Variants in CLASP1 observed in about 807,000 individuals in gnomAD.
CLASP1 encodes the protein cytoplasmic linker associated protein 1.
In CLASP1, 38 loss-of-function variants were observed where a neutral mutation model predicts 192.3. That is an observed-to-expected ratio of 0.20 (90% CI 0.15 to 0.26). The LOEUF is 0.26. Among genes scored for constraint, CLASP1 ranks in the 10% least tolerant of loss-of-function variants. CLASP1 has a pLI of 1.00. For synonymous variants in CLASP1, 691 were observed against 712.8 expected (o/e 0.97, Z 0.49); for missense variants, 1,433 against 1,932.5 (o/e 0.74, Z 4.85).
intron 2 of CLASP1, among the ~76,000 whole-genome samples, chr2:121,600,778 C>T (rs150329147): frequency 6.6e-6 from 1 of 152,358 alleles, no homozygotes; most frequent in African/African-American, 2.4e-5. Context: ...TCCCCAACCT[C>T]CTTTTCCTAT....
At chr2:121,396,533 T>C (rs925595654) in intron 30 of CLASP1, among the ~76,000 whole-genome samples, 5 of 152,238 alleles carry the variant, frequency 3.3e-5, no homozygotes, top group Admixed American at 3.3e-4. Flanking sequence ...AGTTCAAATA[T>C]TCTAATGTGC....
chr2:121,348,150 C>A (rs2063712339), intron 38 of CLASP1, among the ~76,000 whole-genome samples: 1 of 152,060 alleles, frequency 6.6e-6, no homozygotes, highest in Admixed American at 6.5e-5. Context: ...TGCATGAGAC[C>A]AAGGACCATG....
At chr2:121,530,643 GAA>G in intron 2 of CLASP1, 1 of 534,038 alleles carries the variant, frequency 1.9e-6, no homozygotes. Context: ...GCCCCGGCGA[GAA>G]AAGCGTATGC....
intron 33 of CLASP1, among the ~76,000 whole-genome samples, chr2:121,380,680 AT>A (rs1304730196): frequency 1.3e-5 from 2 of 152,196 alleles, no homozygotes; most frequent in Non-Finnish European, 2.9e-5. Context: ...TTGTTATGGA[AT>A]CAATAGGATT....
At chr2:121,590,916 G>C (rs2062320572) in intron 2 of CLASP1, among the ~76,000 whole-genome samples, 3 of 147,372 alleles carry the variant, frequency 2.0e-5, no homozygotes. Flanking sequence ...TGCCCAGGCT[G>C]GAGAGCAATG....
intron 39 of CLASP1, among the ~76,000 whole-genome samples, chr2:121,346,286 C>A (rs1240324558): frequency 6.6e-6 from 1 of 152,244 alleles, no homozygotes; most frequent in African/African-American, 2.4e-5. Context: ...GAACCAAGGC[C>A]TCACCCCTTC....
chr2:121,558,376 G>A (rs6541784), intron 2 of CLASP1, among the ~76,000 whole-genome samples: 28,605 of 152,146 alleles, frequency 0.19, 4,820 homozygotes, highest in African/African-American at 0.45. Context: ...CTCTGCTATG[G>A]TTTGAATGTG....
At chr2:121,531,070 C>CTTTGTGG in intron 2 of CLASP1, 2 of 690,496 alleles carry the variant, frequency 2.9e-6, no homozygotes, top group Non-Finnish European at 5.3e-6. Context: ...TAAACTAGTA[C>CTTTGTGG]TTTGTGGTTA....
intron 1 of CLASP1, among the ~76,000 whole-genome samples, chr2:121,625,571 A>G (rs1158019546): frequency 2.6e-5 from 4 of 151,132 alleles, no homozygotes; most frequent in Non-Finnish European, 2.9e-5. Flanking sequence ...AGTAGCTGGG[A>G]TTACAGGCAC....
rs772034863 is a variant in CLASP1 at position 121,478,887 on chromosome 2, C to CCA, written c.713-8929_713-8928dup. On this transcript the variant is annotated intron_variant, in intron 8 of 39. Transcript: ENST00000263710. ...ACACACACACCACACCACACACACA[C>CCA]CACACACACACACCACACCACACAC... Among the ~76,000 whole-genome samples, 168 of 65,912 alleles carry CCA rather than the reference C, an allele frequency of 2.5e-3. 5 individuals carry two copies. The highest frequency in any genetic ancestry group is 0.012 in the African/African-American group (151 of 13,004). The allele number at this position is 65,912 out of a possible 152,430, so 43.2% of individuals were successfully genotyped here. A position where few individuals can be genotyped will look rare whatever the true frequency, so the allele number is the denominator to read the frequency against.
intron 1 of CLASP1, among the ~76,000 whole-genome samples, chr2:121,644,039 C>T (rs1474863560): frequency 4.6e-5 from 7 of 152,100 alleles, no homozygotes; most frequent in East Asian, 1.9e-4. Context: ...CATGTATTAC[C>T]GACTTAACAC....
At chr2:121,642,506 T>C (rs1027420913) in intron 1 of CLASP1, among the ~76,000 whole-genome samples, 19 of 148,300 alleles carry the variant, frequency 1.3e-4, no homozygotes, top group African/African-American at 4.8e-4. Flanking sequence ...CTGAGGCAGG[T>C]GGATCACTTG....
At chr2:121,428,833 C>T (rs1431286955) in intron 20 of CLASP1, among the ~76,000 whole-genome samples, 1 of 152,224 alleles carries the variant, frequency 6.6e-6, no homozygotes, top group East Asian at 1.9e-4. Context: ...TTAACTATTA[C>T]ATGTTAGGCT....
intron 36 of CLASP1, chr2:121,364,888 G>A (rs1185158689): frequency 1.0e-5 from 6 of 594,352 alleles, no homozygotes; most frequent in South Asian, 3.9e-5. Flanking sequence ...GACCATGCAC[G>A]TAAGCCAAGC....
rs910631799 is a variant in CLASP1 at position 121,530,910 on chromosome 2, T to C, written c.196-585A>G. 5.7e-6 allele frequency: 4 copies of C among 699,136 alleles called. No individual in the cohort carries two copies. Among genetic ancestry groups the C allele is most frequent in the East Asian group, 2.7e-5 (1 of 37,242 alleles). 43.3% of individuals were successfully genotyped at this position (699,136 alleles called of 1,614,324 possible). A position where few individuals can be genotyped will look rare whatever the true frequency, so the allele number is the denominator to read the frequency against. The stretch of plus-strand genomic sequence containing the variant: ...TCCTTTTCTTGGGGTTGCGCTACTG[T>C]CCAATGAGCGCATAGTGAGGGCAGT... On this transcript the variant is annotated intron_variant, in intron 2 of 39. Coordinates refer to ENST00000263710, the Ensembl canonical transcript of CLASP1.
In CLASP1 at chr2:121,353,792, G is replaced by GCACA. The variant is rs35208457; in HGVS notation, c.4207-5078_4207-5075dup. ...CCATAGTGTGCGTGTGCACATGCAC[G>GCACA]CACACACACACACACACAGATAGGG... is the stretch of plus-strand genomic sequence containing the variant. On this transcript the variant is annotated intron_variant, in intron 37 of 39. Transcript: ENST00000263710. Among the ~76,000 whole-genome samples the GCACA allele has an allele frequency of 2.7e-4, 40 of 150,442 alleles. No individual in the cohort carries two copies. The East Asian group carries it at 4.5e-3, about 17-fold the overall frequency.
intron 33 of CLASP1, among the ~76,000 whole-genome samples, chr2:121,379,609 C>A (rs1256140012): frequency 6.6e-6 from 1 of 151,934 alleles, no homozygotes; most frequent in East Asian, 1.9e-4. Context: ...CTTTTAATCA[C>A]AACAACCAAA....
At chr2:121,413,483 G>A (rs2078063565) in intron 23 of CLASP1, among the ~76,000 whole-genome samples, 1 of 152,130 alleles carries the variant, frequency 6.6e-6, no homozygotes, top group South Asian at 2.1e-4. Context: ...ATGTATTACT[G>A]TATGCTTACT....
At chr2:121,530,185 A>C in intron 3 of CLASP1, 62 bp downstream of exon 3, 1 of 1,413,674 alleles carries the variant, frequency 7.1e-7, no homozygotes, top group Non-Finnish European at 9.7e-7. Flanking sequence ...GGAGCCGGGG[A>C]GGCCGAGGGA....
Sources: gnomAD v4.1 joint callset for allele counts (sites outside exome capture counted in the v4.1 genomes callset) on GRCh38, gnomAD v4.1.1 for gene constraint, MANE v1.5 for transcripts, NCBI Gene and HGNC (gene_info 2026-07-23, HGNC 2026-07-21) for gene names.